The following SEPTIN11 variants were observed in gnomAD, a reference collection of about 807,000 sequenced individuals.
SEPTIN11 encodes the protein septin-11.
SEPTIN11 carries 25 observed loss-of-function variants against 51.4 expected under a neutral mutation model. That is an observed-to-expected ratio of 0.49 (90% CI 0.35 to 0.68). The LOEUF (loss-of-function observed/expected upper bound fraction) is 0.68, where lower values mean the gene tolerates loss of function less well. SEPTIN11 is among the 30% of genes least tolerant of loss of function. SEPTIN11 has a pLI of 0.00. For synonymous variants in SEPTIN11, 174 were observed against 184.1 expected, an observed-to-expected ratio of 0.95 and a Z score of 0.44; for missense variants, 381 against 520.8, an observed-to-expected ratio of 0.73 and a Z score of 2.61.
At chr4:77,018,305 T>C (rs539728699) in intron 5 of SEPTIN11, among the ~76,000 whole-genome samples, 41 of 152,122 alleles carry the variant, frequency 2.7e-4, no homozygotes, top group East Asian at 7.7e-4. Flanking sequence ...AAAAATTAGC[T>C]GGGCATGGTG....
intron 1 of SEPTIN11, among the ~76,000 whole-genome samples, chr4:76,988,582 C>T (rs1279904943): frequency 6.6e-6 from 1 of 152,200 alleles, no homozygotes; most frequent in Non-Finnish European, 1.5e-5. Flanking sequence ...AATCCTGGCT[C>T]ATTGCAGCCT....
At chr4:76,987,970 C>T (rs929743892) in intron 1 of SEPTIN11, 3 of 242,402 alleles carry the variant, frequency 1.2e-5, no homozygotes, top group Non-Finnish European at 1.3e-5. Context: ...TCTGCTGCCC[C>T]ATGGTTTCAT....
chr4:76,983,625 A>G (rs1722881397), intron 1 of SEPTIN11, among the ~76,000 whole-genome samples: 1 of 152,236 alleles, frequency 6.6e-6, no homozygotes, highest in African/African-American at 2.4e-5. Context: ...GTTATATGGC[A>G]GTAGAAAACT....
chr4:76,995,165 C>T (rs1158553532), intron 1 of SEPTIN11, among the ~76,000 whole-genome samples: 4 of 151,034 alleles, frequency 2.6e-5, no homozygotes, highest in Admixed American at 6.6e-5. Context: ...GGGCAGATCA[C>T]GAGGTCAGGA....
At chr4:77,007,319 G>A (rs867424364) in intron 3 of SEPTIN11, among the ~76,000 whole-genome samples, 11 of 152,174 alleles carry the variant, frequency 7.2e-5, no homozygotes, top group African/African-American at 1.7e-4. Flanking sequence ...TCTCACTGGC[G>A]TTAGGAAAAA....
rs943912323 is a variant in SEPTIN11, at chr4:76,996,478, C to T, written c.81C>T (p.Leu27=). 6.2e-7 allele frequency: 1 copy of T among 1,614,124 alleles called. No individual in the cohort carries two copies. Among genetic ancestry groups the T allele is most frequent in the Non-Finnish European group, 8.5e-7 (1 of 1,179,970 alleles). Residue 27 remains leucine, a synonymous_variant, in exon 2 of 10, where the codon CTC becomes CTT. Coordinates refer to ENST00000264893, the MANE Select transcript of SEPTIN11 (RefSeq NM_018243.4). The part of the protein sequence containing the change: ...SLSGHVGFDS[L]PDQLVNKSTS... Reference sequence around the variant, plus strand: ...CTGGCCATGTGGGATTTGACAGCCTCCCTGACCAGCTGGTCAACAAGTCTA... The same window carrying T: ...CTGGCCATGTGGGATTTGACAGCCTTCCTGACCAGCTGGTCAACAAGTCTA...
chr4:77,024,064 T>C lies in SEPTIN11; in HGVS notation c.953+3394T>C, dbSNP rs1181561867. On this transcript the variant is annotated intron_variant, in intron 7 of 9. Coordinates refer to ENST00000264893, the MANE Select transcript of SEPTIN11 (RefSeq NM_018243.4). This position sits in a 1 kb window ranked among gnomAD's most constrained non-coding sequence, Gnocchi z 4.2. ...CCCCACTTGTGTTTACAGTACATGTTTGTAAAACAGAGAGTGACCTCTAAC... is the reference window on the plus strand; with the variant it reads ...CCCCACTTGTGTTTACAGTACATGTCTGTAAAACAGAGAGTGACCTCTAAC... Among the ~76,000 whole-genome samples the C allele has an allele frequency of 6.6e-6, 1 of 152,146 alleles. No individual in the cohort carries two copies. The highest frequency in any genetic ancestry group is 1.5e-5 in the Non-Finnish European group (1 of 68,030).
chr4:77,038,751 G>A (rs1005994829), downstream of SEPTIN11: 21 of 663,248 alleles, frequency 3.2e-5, no homozygotes, highest in Admixed American at 3.0e-4. Flanking sequence ...AATGGCTGCC[G>A]TCTGGGTTAC....
intron 3 of SEPTIN11, among the ~76,000 whole-genome samples, chr4:77,006,950 C>G (rs1404868794): frequency 6.6e-6 from 1 of 152,178 alleles, no homozygotes; most frequent in Non-Finnish European, 1.5e-5. Context: ...CTTCAGTAGA[C>G]ATTGTCCCGT....
chr4:76,995,685 A>AT, intron 1 of SEPTIN11: 1 of 1,164,810 alleles, frequency 8.6e-7, no homozygotes, highest in Non-Finnish European at 1.1e-6. Flanking sequence ...AGCCAGTACC[A>AT]TTTTATATAA....
intron 2 of SEPTIN11, among the ~76,000 whole-genome samples, chr4:76,999,439 C>T (rs551462608): frequency 1.3e-5 from 2 of 152,310 alleles, no homozygotes; most frequent in Admixed American, 6.5e-5. Context: ...TCCTTACTTA[C>T]TCCCTTCCTC....
chr4:76,973,593 A>G (rs1722346973), intron 1 of SEPTIN11, among the ~76,000 whole-genome samples: 1 of 152,234 alleles, frequency 6.6e-6, no homozygotes, highest in Non-Finnish European at 1.5e-5. Context: ...AAATTTGTCT[A>G]CTACTTTTTG....
At position 77,037,664 on chromosome 4, in the gene SEPTIN11, A is replaced by T. The variant is rs1281869065; in HGVS notation, c.*3152A>T. On this transcript the variant is annotated 3_prime_UTR_variant, in exon 10 of 10. Transcript: ENST00000264893. ...CTTACCCCATATCTTTTGTTCAAAC[A>T]TAATACCATCTTTTTGCTTCTTCTG... is the stretch of plus-strand genomic sequence containing the variant. The T allele has an allele frequency of 1.0e-6, 1 of 985,696 alleles. No individual in the cohort carries two copies. Among genetic ancestry groups the T allele is most frequent in the African/African-American group, 1.7e-5 (1 of 57,240 alleles). The allele number at this position is 985,696 out of a possible 1,614,324, so 61.1% of individuals were successfully genotyped here.
rs1461904769 is a variant in SEPTIN11 at position 77,011,909 on chromosome 4, G to T, written c.513G>T (p.Lys171Asn). The T allele has an allele frequency of 1.2e-6, 2 of 1,613,708 alleles. No homozygotes were observed. The highest frequency in any genetic ancestry group is 2.7e-5 in the African/African-American group (2 of 74,878). Residue 171 changes from lysine to asparagine, a missense_variant, in exon 4 of 10, where the codon AAG becomes AAT. Lys to Asn is a moderately conservative substitution (Grantham distance 94, BLOSUM62 0). Transcript: ENST00000264893. ...CCCTGGATCTGGTCACCATGAAAAA[G>T]CTGGACAGTAAGGTACTTGCTGCCA... is the stretch of plus-strand genomic sequence containing the variant. ...LKSLDLVTMK[K>N]LDSKVNIIPI...
chr4:76,984,870 T>G lies in SEPTIN11; in HGVS notation c.28-11555T>G, dbSNP rs1722943846. 6.6e-6 allele frequency among the ~76,000 whole-genome samples: 1 copy of G among 152,184 alleles called. No individual in the cohort carries two copies. ...AATGGTTTATGACCTCTTCCCCACT[T>G]CCCCGCTTGCTTTGCTCATTAGTGT... On this transcript the variant is annotated intron_variant, in intron 1 of 9. Coordinates refer to ENST00000264893, the MANE Select transcript of SEPTIN11 (RefSeq NM_018243.4). This position sits in a 1 kb window ranked among gnomAD's most constrained non-coding sequence, Gnocchi z 4.1.
chr4:77,035,596 C>G lies in SEPTIN11; in HGVS notation c.*1084C>G. On this transcript the variant is annotated 3_prime_UTR_variant, in exon 10 of 10. Coordinates refer to ENST00000264893, the MANE Select transcript of SEPTIN11 (RefSeq NM_018243.4). ...CCGTAAGTCAAGAAGGTAGACATTT[C>G]ATATCCAGCTTCCTTGCTTAGTCTC... The G allele has an allele frequency of 1.0e-6, 1 of 985,432 alleles. No homozygotes were observed. The highest frequency in any genetic ancestry group is 1.7e-5 in the African/African-American group (1 of 57,366). 61.0% of individuals were successfully genotyped at this position (985,432 alleles called of 1,614,324 possible).
chr4:76,993,779 C>T (rs563214624), intron 1 of SEPTIN11, among the ~76,000 whole-genome samples: 6 of 152,288 alleles, frequency 3.9e-5, no homozygotes, highest in African/African-American at 1.4e-4. Context: ...TGTTAGAAGA[C>T]AGACTCTAAA....
intron 1 of SEPTIN11, among the ~76,000 whole-genome samples, chr4:76,969,516 A>G (rs1722157593): frequency 1.3e-5 from 2 of 152,182 alleles, no homozygotes; most frequent in African/African-American, 2.4e-5. Flanking sequence ...ACTCTGAATC[A>G]TATTTCAGGC....
At chr4:76,971,748 T>A (rs983625736) in intron 1 of SEPTIN11, among the ~76,000 whole-genome samples, 1 of 152,178 alleles carries the variant, frequency 6.6e-6, no homozygotes, top group African/African-American at 2.4e-5. Context: ...AAGGGCAGTA[T>A]TCACTTGAGA....
Sources: allele counts gnomAD v4.1 joint callset (sites outside exome capture counted in the v4.1 genomes callset), GRCh38; gene constraint gnomAD v4.1.1; non-coding constraint Gnocchi (gnomAD v3.1); transcripts MANE v1.5; gene names NCBI Gene and HGNC (gene_info 2026-07-23, HGNC 2026-07-21).